The following BEND5 variants were observed in gnomAD, a reference collection of about 807,000 sequenced individuals.
BEND5 encodes BEN domain-containing protein 5.
BEND5 carries 22 observed loss-of-function variants against 43.9 expected under a neutral mutation model. The observed-to-expected ratio is 0.50, with a 90% CI of 0.36 to 0.72. The LOEUF (loss-of-function observed/expected upper bound fraction) is 0.72, where lower values mean the gene tolerates loss of function less well. Ranked by LOEUF, BEND5 falls within the 30% of genes least tolerant of loss-of-function variation. The probability of loss-of-function intolerance (pLI) is 0.00; values close to 1 mark genes in which losing one functional copy is unlikely to be tolerated. For missense variants in BEND5, 428 were observed against 550.6 expected (o/e 0.78, Z 2.23); for synonymous variants, 228 against 225.9 (o/e 1.01, Z -0.08).
At chr1:48,758,393 C>T (rs12125554) in intron 3 of BEND5, among the ~76,000 whole-genome samples, 30,100 of 152,218 alleles carry the variant, frequency 0.2, 3,614 homozygotes, top group East Asian at 0.39. Flanking sequence ...ACTGCCCAAC[C>T]TTCAAAGCTC....
At chr1:48,738,617 T>C (rs1341827335) in intron 4 of BEND5, among the ~76,000 whole-genome samples, 2 of 152,214 alleles carry the variant, frequency 1.3e-5, no homozygotes, top group Non-Finnish European at 2.9e-5. Context: ...ACAAGGAACT[T>C]TGAATTACAT....
At chr1:48,746,777 C>T (rs1185506612) in intron 3 of BEND5, among the ~76,000 whole-genome samples, 1 of 152,220 alleles carries the variant, frequency 6.6e-6, no homozygotes, top group African/African-American at 2.4e-5. Flanking sequence ...TACCAAAAGC[C>T]ACCATGCAGG....
chr1:48,762,608 AG>A (rs1644317332), intron 1 of BEND5, among the ~76,000 whole-genome samples: 5 of 124,346 alleles, frequency 4.0e-5, no homozygotes, highest in African/African-American at 1.7e-4. Context: ...CCAGTCTTTA[AG>A]GGTTTTGTGT....
intron 3 of BEND5, among the ~76,000 whole-genome samples, chr1:48,747,645 A>T (rs945039566): frequency 2.6e-5 from 4 of 152,238 alleles, no homozygotes; most frequent in African/African-American, 9.6e-5. Context: ...TTTAAGCCCT[A>T]CTGGCTTTTT....
intron 1 of BEND5, among the ~76,000 whole-genome samples, chr1:48,772,422 G>A (rs1644881668): frequency 6.6e-6 from 1 of 152,176 alleles, no homozygotes; most frequent in African/African-American, 2.4e-5. Flanking sequence ...TGAGCTCCTT[G>A]CAGGCAGAGG....
chr1:48,737,283 CA>C (rs956301403), intron 4 of BEND5, among the ~76,000 whole-genome samples: 7 of 150,650 alleles, frequency 4.6e-5, no homozygotes, highest in African/African-American at 1.5e-4. Context: ...GACTCCGTCT[CA>C]AAAAGAAAAA....
At chr1:48,750,886 T>C (rs1651622558) in intron 3 of BEND5, among the ~76,000 whole-genome samples, 1 of 152,080 alleles carries the variant, frequency 6.6e-6, no homozygotes, top group Non-Finnish European at 1.5e-5. Context: ...GTCCTAGGAC[T>C]CTAAGAATTA....
At chr1:48,757,726 A>G (rs1440836195) in intron 3 of BEND5, among the ~76,000 whole-genome samples, 1 of 152,248 alleles carries the variant, frequency 6.6e-6, no homozygotes, top group African/African-American at 2.4e-5. Flanking sequence ...AGAATAAATC[A>G]AAGAAGAATG....
At chr1:48,734,304 G>C (rs922061316) in intron 5 of BEND5, among the ~76,000 whole-genome samples, 3 of 152,128 alleles carry the variant, frequency 2.0e-5, no homozygotes, top group Admixed American at 2.0e-4. Flanking sequence ...TTTGACCTCA[G>C]GCTGGTTGCT....
chr1:48,759,531 C>T (rs902567406), intron 2 of BEND5, among the ~76,000 whole-genome samples: 1 of 152,230 alleles, frequency 6.6e-6, no homozygotes, highest in African/African-American at 2.4e-5. Context: ...ACTGGTTTCC[C>T]AGGCCTGCAC....
chr1:48,760,621 C>A (rs1366461587), intron 2 of BEND5, among the ~76,000 whole-genome samples: 1 of 152,186 alleles, frequency 6.6e-6, no homozygotes. Flanking sequence ...GGGCCAGGCG[C>A]ATAGCAGGAG....
chr1:48,729,020 T>C (rs1344721818), intron 5 of BEND5, among the ~76,000 whole-genome samples: 1 of 152,164 alleles, frequency 6.6e-6, no homozygotes, highest in African/African-American at 2.4e-5. Flanking sequence ...GGAGCCCGAC[T>C]TCAATTGACT....
chr1:48,757,148 C>T (rs1643976836), intron 3 of BEND5, among the ~76,000 whole-genome samples: 1 of 152,034 alleles, frequency 6.6e-6, no homozygotes, highest in Non-Finnish European at 1.5e-5. Context: ...GAATTAAGTA[C>T]CAAGAATTTC....
chr1:48,742,008 A>G (rs1649990065), intron 4 of BEND5, among the ~76,000 whole-genome samples: 1 of 152,230 alleles, frequency 6.6e-6, no homozygotes. Context: ...AATAATCTTA[A>G]GTTTTTGTTT....
At chr1:48,744,373 A>G (rs1650404041) in intron 3 of BEND5, among the ~76,000 whole-genome samples, 2 of 152,248 alleles carry the variant, frequency 1.3e-5, no homozygotes, top group Admixed American at 1.3e-4. Flanking sequence ...ATTTTGAGAC[A>G]TAAACAAATT....
intron 1 of BEND5, among the ~76,000 whole-genome samples, chr1:48,764,949 G>A (rs985663207): frequency 6.6e-6 from 1 of 152,186 alleles, no homozygotes; most frequent in African/African-American, 2.4e-5. Flanking sequence ...TAAGATGGGT[G>A]ACACTCCCCA....
chr1:48,736,164 T>C lies in BEND5; in HGVS notation c.1108+75A>G. ...GAAGCTTCATAAGTAATCGTTGAAT[T>C]GAATTGTGCCTAACACATTCTTGAC... On this transcript the variant is annotated intron_variant, in intron 5 of 5. Coordinates refer to ENST00000371833, the MANE Select transcript of BEND5 (RefSeq NM_024603.4). This position sits in a 1 kb window ranked among gnomAD's most constrained non-coding sequence, Gnocchi z 4.0. The C allele has an allele frequency of 6.7e-7, 1 of 1,492,846 alleles. No individual in the cohort carries two copies. Among genetic ancestry groups the C allele is most frequent in the Non-Finnish European group, 9.3e-7 (1 of 1,074,156 alleles). The allele number at this position is 1,492,846 out of a possible 1,614,324, so 92.5% of individuals were successfully genotyped here.
intron 5 of BEND5, among the ~76,000 whole-genome samples, chr1:48,734,532 C>T (rs966290810): frequency 7.9e-5 from 12 of 152,208 alleles, no homozygotes; most frequent in Non-Finnish European, 7.3e-5. Context: ...GTGGCCTTCC[C>T]AGCCCTACAA....
At position 48,761,381 on chromosome 1, in the gene BEND5, C is replaced by T; in HGVS notation, c.316G>A (p.Val106Ile). The T allele has an allele frequency of 6.4e-7, 1 of 1,551,990 alleles. No homozygotes were observed. Among genetic ancestry groups the T allele is most frequent in the Non-Finnish European group, 8.7e-7 (1 of 1,147,028 alleles). ...AAATCTTCTTCCCCATAATCTTTAA[C>T]CTCTCCATCTTCTTCTACATGATTA... Reference protein sequence around the residue: ...SLNHVEEDGEVKDYGEEDLQL... With the variant: ...SLNHVEEDGEIKDYGEEDLQL... The change falls in exon 2 of 6, where the codon GTT (valine) becomes ATT (isoleucine). Residue 106 changes from valine (V) to isoleucine (I), a missense_variant. This residue lies in a region of BEND5 where 243 missense variants were observed against 286.4 expected (regional missense o/e 0.85). Coordinates refer to ENST00000371833, the MANE Select transcript of BEND5 (RefSeq NM_024603.4).
Sources: gnomAD v4.1 joint callset for allele counts (sites outside exome capture counted in the v4.1 genomes callset) on GRCh38, gnomAD v4.1.1 for gene constraint, gnomAD v4.1.1 regional missense constraint, Gnocchi (gnomAD v3.1) non-coding constraint, MANE v1.5 for transcripts, NCBI Gene and HGNC (gene_info 2026-07-23, HGNC 2026-07-21) for gene names.